The following SMOC1 variants were observed in gnomAD, a reference collection of about 807,000 sequenced individuals.
The protein encoded by SMOC1 is SPARC-related modular calcium-binding protein 1.
Under a neutral mutation model 56.3 loss-of-function variants are expected in SMOC1, and 22 were observed. That is an observed-to-expected ratio of 0.39 (90% CI 0.28 to 0.56). SMOC1 has a LOEUF of 0.56. SMOC1 is among the 20% of genes least tolerant of loss of function. The probability of loss-of-function intolerance (pLI) is 0.61; values close to 1 mark genes in which losing one functional copy is unlikely to be tolerated. For missense variants in SMOC1, 509 were observed against 565.4 expected, an observed-to-expected ratio of 0.90 and a Z score of 1.01; for synonymous variants, 193 against 215.0, an observed-to-expected ratio of 0.90 and a Z score of 0.89.
intron 1 of SMOC1, among the ~76,000 whole-genome samples, chr14:69,890,485 C>T (rs1883931026): frequency 6.6e-6 from 1 of 152,264 alleles, no homozygotes; most frequent in South Asian, 2.1e-4. Context: ...TAACTATTAA[C>T]ACAATTTCGT....
At chr14:69,880,249 T>G (rs1036751633) in intron 1 of SMOC1, among the ~76,000 whole-genome samples, 1 of 152,098 alleles carries the variant, frequency 6.6e-6, no homozygotes, top group African/African-American at 2.4e-5. Flanking sequence ...AAGGACCTTG[T>G]GTTGTTGTTT....
At chr14:69,894,141 T>C (rs1958082) in intron 1 of SMOC1, among the ~76,000 whole-genome samples, 15,787 of 152,152 alleles carry the variant, frequency 0.1, 1,004 homozygotes, top group African/African-American at 0.18. Context: ...CAGTGACTTT[T>C]AGAGGTGGTT....
Position 69,949,837 on chromosome 14 carries a change from C to T in SMOC1, c.100-2301C>T, listed in dbSNP as rs1882928455. On this transcript the variant is annotated intron_variant, in intron 1 of 11. Coordinates refer to ENST00000361956, the MANE Select transcript of SMOC1 (RefSeq NM_001034852.3). ...CAGGCCGGGGAGACGATGTAAGGGT[C>T]CCCGAGCTCATGGGTTTAAAGCAGG... Among the ~76,000 whole-genome samples the T allele has an allele frequency of 2.0e-5, 3 of 152,132 alleles. No homozygotes were observed. In the South Asian group the frequency reaches 6.2e-4, roughly 32 times the overall value.
chr14:69,988,289 C>CT (rs11367943), intron 5 of SMOC1, among the ~76,000 whole-genome samples: 31,303 of 146,400 alleles, frequency 0.21, 3,949 homozygotes, highest in African/African-American at 0.35. Context: ...TTTGAATTGG[C>CT]TTTTTTTTTT....
intron 3 of SMOC1, among the ~76,000 whole-genome samples, chr14:69,973,310 C>A (rs969748342): frequency 7.9e-5 from 12 of 152,234 alleles, no homozygotes; most frequent in African/African-American, 2.9e-4. Context: ...CCAGCCTTCG[C>A]TGGGTGCCAG....
chr14:69,892,904 A>G (rs1238221875), intron 1 of SMOC1, among the ~76,000 whole-genome samples: 1 of 152,248 alleles, frequency 6.6e-6, no homozygotes, highest in Admixed American at 6.5e-5. Context: ...TAAATATGCT[A>G]TTCTGTTTCT....
chr14:69,989,032 G>A (rs1023688528), intron 5 of SMOC1, among the ~76,000 whole-genome samples: 1 of 152,158 alleles, frequency 6.6e-6, no homozygotes, highest in South Asian at 2.1e-4. Context: ...GTGTGGGCAT[G>A]TTTTTATTCT....
At chr14:70,026,778 G>A (rs911205495) in intron 11 of SMOC1, among the ~76,000 whole-genome samples, 2 of 152,126 alleles carry the variant, frequency 1.3e-5, no homozygotes, top group Admixed American at 6.5e-5. Flanking sequence ...TCTGTGGGTA[G>A]GCCTGAGTGT....
chr14:69,981,458 A>G (rs1236519009), intron 5 of SMOC1, among the ~76,000 whole-genome samples: 4 of 152,140 alleles, frequency 2.6e-5, no homozygotes, highest in African/African-American at 7.2e-5. Flanking sequence ...ATCTGGGGCA[A>G]TCCCATCCTG....
chr14:70,012,502 G>A (rs558485817), intron 9 of SMOC1, among the ~76,000 whole-genome samples: 1 of 152,348 alleles, frequency 6.6e-6, no homozygotes, highest in South Asian at 2.1e-4. Flanking sequence ...TGTGAGAATG[G>A]CAGGGAGAAC....
At chr14:70,013,564 G>T in intron 10 of SMOC1, 73 bp downstream of exon 10, 2 of 1,252,590 alleles carry the variant, frequency 1.6e-6, no homozygotes, top group Non-Finnish European at 2.3e-6. Context: ...CTGAGGGAGG[G>T]TGAGAGAGTG....
chr14:70,000,918 G>A (rs1366307815), intron 7 of SMOC1, among the ~76,000 whole-genome samples: 1 of 152,212 alleles, frequency 6.6e-6, no homozygotes, highest in Admixed American at 6.5e-5. Flanking sequence ...GCCAACGTCA[G>A]GGATATGGGG....
chr14:69,937,751 T>C (rs1246360304), intron 1 of SMOC1, among the ~76,000 whole-genome samples: 1 of 152,178 alleles, frequency 6.6e-6, no homozygotes, highest in African/African-American at 2.4e-5. Context: ...TGTGTGTGTT[T>C]GAGGGTATGC....
intron 5 of SMOC1, 98 bp from the exon 6 acceptor site, chr14:69,992,319 C>G (rs1251503217): frequency 4.1e-6 from 5 of 1,210,436 alleles, no homozygotes; most frequent in Non-Finnish European, 4.9e-6. Context: ...TTGGCCGGGC[C>G]TTGTACAAAC....
chr14:69,976,079 T>A (rs1320772994), intron 4 of SMOC1, among the ~76,000 whole-genome samples: 1 of 152,238 alleles, frequency 6.6e-6, no homozygotes, highest in Admixed American at 6.5e-5. Flanking sequence ...TGTAATCTCA[T>A]AGAGCTGTGG....
chr14:70,024,795 A>G (rs1292942817), intron 11 of SMOC1, among the ~76,000 whole-genome samples: 3 of 152,350 alleles, frequency 2.0e-5, no homozygotes, highest in African/African-American at 2.4e-5. Context: ...TTATAAGGGT[A>G]GTGGAAAGCT....
chr14:69,938,106 G>C (rs537709229), intron 1 of SMOC1, among the ~76,000 whole-genome samples: 181 of 152,318 alleles, frequency 1.2e-3, no homozygotes, highest in African/African-American at 4.3e-3. Flanking sequence ...ATGAGCCTGT[G>C]TGTATGCCAT....
At chr14:70,020,717 A>G (rs981743807) in intron 10 of SMOC1, among the ~76,000 whole-genome samples, 2 of 152,152 alleles carry the variant, frequency 1.3e-5, no homozygotes, top group East Asian at 1.9e-4. Flanking sequence ...ATGGGAGTGA[A>G]GAGAGTCAAA....
Position 70,013,402 on chromosome 14 carries a change from G to GA in SMOC1, c.961dup (p.Met321AsnfsTer14). The GA allele has an allele frequency of 6.2e-7, 1 of 1,614,150 alleles. No individual in the cohort carries two copies. Among genetic ancestry groups the GA allele is most frequent in the Non-Finnish European group, 8.5e-7 (1 of 1,180,000 alleles). Reference sequence around the variant, plus strand: ...ATCTTTTAGGCTGTCCAGAAGGGAAGAAAATGGAGTTTATCACCAGCCTAC... The same window carrying GA: ...ATCTTTTAGGCTGTCCAGAAGGGAAGAAAAATGGAGTTTATCACCAGCCTAC... On this transcript the variant is annotated frameshift_variant, in exon 10 of 12. Transcript: ENST00000361956. LOFTEE classifies it high-confidence loss of function.
Sources: gnomAD v4.1 joint callset for allele counts (sites outside exome capture counted in the v4.1 genomes callset) on GRCh38, gnomAD v4.1.1 for gene constraint, MANE v1.5 for transcripts, NCBI Gene and HGNC (gene_info 2026-07-23, HGNC 2026-07-21) for gene names.